Variants in REC114 observed in about 807,000 individuals in gnomAD.
REC114 encodes meiotic recombination protein REC114.
REC114 carries 27 observed loss-of-function variants against 31.3 expected under a neutral mutation model. The observed-to-expected ratio is 0.86, with a 90% CI of 0.64 to 1.19. The LOEUF (loss-of-function observed/expected upper bound fraction) is 1.19. REC114 is among the 50% of genes most tolerant of loss of function. The probability of loss-of-function intolerance (pLI) is 0.00; values close to 1 mark genes in which losing one functional copy is unlikely to be tolerated. For missense variants in REC114, 344 were observed against 326.9 expected (o/e 1.05, Z -0.40); for synonymous variants, 134 against 127.7 (o/e 1.05, Z -0.33).
At chr15:73,555,270 G>C (rs1894448956) in intron 4 of REC114, among the ~76,000 whole-genome samples, 1 of 152,100 alleles carries the variant, frequency 6.6e-6, no homozygotes, top group African/African-American at 2.4e-5. Flanking sequence ...ATTGCACCAT[G>C]AGCTCATACC....
rs188801157 is a variant in REC114, at chr15:73,495,279, T to C, written c.249+21358T>C. ...TTGGAGTCAAAGACATTTGCCAGATTGTGTAGACTGTCTTTATTTTTAGAG... is the reference window on the plus strand; with the variant it reads ...TTGGAGTCAAAGACATTTGCCAGATCGTGTAGACTGTCTTTATTTTTAGAG... On this transcript the variant is annotated intron_variant, in intron 2 of 5. Coordinates refer to ENST00000331090, the MANE Select transcript of REC114 (RefSeq NM_001042367.2). Among the ~76,000 whole-genome samples the C allele has an allele frequency of 4.6e-5, 7 of 152,276 alleles. No individual in the cohort carries two copies. In the East Asian group the frequency reaches 1.3e-3, roughly 29 times the overall value.
intron 2 of REC114, among the ~76,000 whole-genome samples, chr15:73,524,301 A>G (rs928224707): frequency 3.3e-5 from 5 of 152,198 alleles, no homozygotes; most frequent in African/African-American, 1.2e-4. Context: ...TCCCAAAGAA[A>G]TTGGCAGTTT....
At chr15:73,491,955 A>G (rs1383707896) in intron 2 of REC114, among the ~76,000 whole-genome samples, 1 of 151,934 alleles carries the variant, frequency 6.6e-6, no homozygotes, top group African/African-American at 2.4e-5. Context: ...TTTGTTTGGC[A>G]GTTCAAGTTG....
chr15:73,484,349 T>C (rs2141298745), intron 2 of REC114, among the ~76,000 whole-genome samples: 1 of 152,246 alleles, frequency 6.6e-6, no homozygotes, highest in East Asian at 1.9e-4. Context: ...AAGTTGCTTC[T>C]GCCACCTGCT....
At chr15:73,499,549 G>T (rs1893575852) in intron 2 of REC114, among the ~76,000 whole-genome samples, 1 of 152,072 alleles carries the variant, frequency 6.6e-6, no homozygotes, top group South Asian at 2.1e-4. Flanking sequence ...TCTTGTCAGG[G>T]TTACTACTGT....
At chr15:73,498,784 T>C (rs1383364022) in intron 2 of REC114, among the ~76,000 whole-genome samples, 1 of 152,202 alleles carries the variant, frequency 6.6e-6, no homozygotes, top group Non-Finnish European at 1.5e-5. Context: ...TATTCTCTAA[T>C]ACAGTAAAAG....
chr15:73,518,707 G>A (rs1490734343), intron 2 of REC114, among the ~76,000 whole-genome samples: 3 of 152,094 alleles, frequency 2.0e-5, no homozygotes, highest in African/African-American at 7.2e-5. Flanking sequence ...TGCATGCTGG[G>A]GATACAAAAA....
chr15:73,522,168 T>A (rs1431379607), intron 2 of REC114, among the ~76,000 whole-genome samples: 1 of 152,262 alleles, frequency 6.6e-6, no homozygotes, highest in South Asian at 2.1e-4. Flanking sequence ...ATACACACAC[T>A]CCTTCAGCCA....
chr15:73,499,982 T>C (rs1005362562), intron 2 of REC114, among the ~76,000 whole-genome samples: 7 of 152,178 alleles, frequency 4.6e-5, no homozygotes, highest in Non-Finnish European at 1.5e-5. Context: ...ATAAACCCCA[T>C]GCATCCATCA....
rs1214788424 is a variant in REC114 at position 73,514,369 on chromosome 15, G to A, written c.250-26116G>A. On this transcript the variant is annotated intron_variant, in intron 2 of 5. Coordinates refer to ENST00000331090, the MANE Select transcript of REC114 (RefSeq NM_001042367.2). ...GGCACTCCCTAGTGAGATGAACCCG[G>A]TACCTCAGATGGAAATGCAGAAATC... 2.2e-4 allele frequency among the ~76,000 whole-genome samples: 34 copies of A among 151,884 alleles called. 1 individual carries two copies. Among genetic ancestry groups the A allele is most frequent in the Admixed American group, 2.0e-3 (30 of 15,268 alleles).
At chr15:73,544,817 C>T (rs967624091) in intron 3 of REC114, among the ~76,000 whole-genome samples, 5 of 152,128 alleles carry the variant, frequency 3.3e-5, no homozygotes, top group Non-Finnish European at 5.9e-5. Context: ...TCACAATTAG[C>T]GGTGGGGAAA....
At chr15:73,507,902 T>G (rs1222993041) in intron 2 of REC114, among the ~76,000 whole-genome samples, 1 of 142,980 alleles carries the variant, frequency 7.0e-6, no homozygotes, top group Non-Finnish European at 1.5e-5. Context: ...GACATAACCT[T>G]CTCAGAAAGC....
intron 1 of REC114, among the ~76,000 whole-genome samples, chr15:73,452,636 T>C (rs987533134): frequency 6.6e-6 from 1 of 152,156 alleles, no homozygotes; most frequent in Non-Finnish European, 1.5e-5. Flanking sequence ...AAAACTACTT[T>C]AAATTTCATG....
intron 2 of REC114, among the ~76,000 whole-genome samples, chr15:73,497,879 G>A (rs1320946072): frequency 1.3e-5 from 2 of 152,126 alleles, no homozygotes; most frequent in African/African-American, 4.8e-5. Context: ...GAAACACAGA[G>A]CAGCATTTAT....
intron 2 of REC114, among the ~76,000 whole-genome samples, chr15:73,500,352 C>CA (rs34228065): frequency 0.75 from 103,927 of 138,002 alleles, 40,427 homozygotes; most frequent in Middle Eastern, 0.88. Context: ...ACAGAAATAG[C>CA]AAAAAAAAAA....
rs186485419 is a variant in REC114, at chr15:73,477,258, A to G, written c.249+3337A>G. ...TCTGGTTACAACTCTTTTATCAGAA[A>G]TGTGTTCTTCAAATATTTCTACCAG... On this transcript the variant is annotated intron_variant, in intron 2 of 5. Transcript: ENST00000331090. 1.3e-3 allele frequency among the ~76,000 whole-genome samples: 195 copies of G among 152,270 alleles called. 1 individual carries two copies. Among genetic ancestry groups the G allele is most frequent in the Non-Finnish European group, 1.0e-3 (71 of 68,012 alleles).
At chr15:73,500,602 T>G (rs1203573191) in intron 2 of REC114, among the ~76,000 whole-genome samples, 1 of 152,142 alleles carries the variant, frequency 6.6e-6, no homozygotes, top group African/African-American at 2.4e-5. Flanking sequence ...TGGTTAAATA[T>G]ATGTGTGTAT....
intron 2 of REC114, among the ~76,000 whole-genome samples, chr15:73,526,431 A>T (rs943364096): frequency 4.6e-5 from 7 of 151,356 alleles, no homozygotes; most frequent in African/African-American, 1.5e-4. Flanking sequence ...TTTTTTTAGG[A>T]TTCCATTTCA....
At chr15:73,507,671 A>G (rs1893700174) in intron 2 of REC114, among the ~76,000 whole-genome samples, 1 of 152,216 alleles carries the variant, frequency 6.6e-6, no homozygotes, top group Admixed American at 6.5e-5. Context: ...ACGTACACAT[A>G]TATAGTGTTT....
Sources: gnomAD v4.1 joint callset for allele counts (sites outside exome capture counted in the v4.1 genomes callset) on GRCh38, gnomAD v4.1.1 for gene constraint, MANE v1.5 for transcripts, NCBI Gene and HGNC (gene_info 2026-07-23, HGNC 2026-07-21) for gene names.